Variants in DGKB observed in about 807,000 individuals in gnomAD.
DGKB encodes the protein diacylglycerol kinase beta.
In DGKB, 67 loss-of-function variants were observed where a neutral mutation model predicts 114.3. The observed-to-expected ratio is 0.59, with a 90% CI of 0.48 to 0.72. The LOEUF is 0.72. Among genes scored for constraint, DGKB ranks in the 30% least tolerant of loss-of-function variants. The pLI is 0.00. For synonymous variants in DGKB, 398 were observed against 323.1 expected, an observed-to-expected ratio of 1.23 and a Z score of -2.49; for missense variants, 907 against 975.2, an observed-to-expected ratio of 0.93 and a Z score of 0.93.
At chr7:14,532,616 C>A (rs532242820) in intron 20 of DGKB, among the ~76,000 whole-genome samples, 1 of 151,124 alleles carries the variant, frequency 6.6e-6, no homozygotes, top group Non-Finnish European at 1.5e-5. Flanking sequence ...ATACATATAG[C>A]AATAAATCAC....
chr7:14,574,286 T>A lies in DGKB; in HGVS notation c.1696A>T (p.Ile566Leu). The A allele has an allele frequency of 1.2e-6, 2 of 1,613,342 alleles. No individual in the cohort carries two copies. Among genetic ancestry groups the A allele is most frequent in the Non-Finnish European group, 8.5e-7 (1 of 1,179,432 alleles). Reference sequence around the variant, plus strand: ...CCTTTCTCATCTTTGTCATTAGGTATGACTTCAAACTTCCACCTGTCCAAC... The same window carrying A: ...CCTTTCTCATCTTTGTCATTAGGTAAGACTTCAAACTTCCACCTGTCCAAC... The part of the protein sequence containing the change: ...IMLDRWKFEV[I>L]PNDKDEKGDP... Residue 566 changes from isoleucine to leucine, a missense_variant, in exon 20 of 26, where the codon ATA becomes TTA. By Grantham distance (5) the Ile-to-Leu change is conservative. Around this residue, in one of 3 missense-constraint regions of DGKB, gnomAD observed 814 missense variants for 856.6 expected, o/e 0.95. Transcript: ENST00000402815.
At chr7:14,864,442 T>G (rs926890512) in intron 1 of DGKB, among the ~76,000 whole-genome samples, 8 of 152,178 alleles carry the variant, frequency 5.3e-5, no homozygotes, top group African/African-American at 1.9e-4. Context: ...AGGCCTAGCA[T>G]GTTACCACAT....
chr7:14,279,881 A>G (rs1353466379), intron 23 of DGKB, among the ~76,000 whole-genome samples: 2 of 151,224 alleles, frequency 1.3e-5, no homozygotes, highest in African/African-American at 2.4e-5. Context: ...TCAAACACCA[A>G]AAGTAGATAA....
chr7:14,548,480 A>G lies in DGKB; in HGVS notation c.1770+25732T>C, dbSNP rs548533597. Among the ~76,000 whole-genome samples the G allele has an allele frequency of 1.1e-4, 16 of 152,256 alleles. No homozygotes were observed. The South Asian group carries it at 3.3e-3, about 32-fold the overall frequency. Reference sequence around the variant, plus strand: ...AAAATGGACAGGAGCTAGCCTTGTAACTCCTGAATGAGGAAAAGGTGGATG... The same window carrying G: ...AAAATGGACAGGAGCTAGCCTTGTAGCTCCTGAATGAGGAAAAGGTGGATG... On this transcript the variant is annotated intron_variant, in intron 20 of 25. Coordinates refer to ENST00000402815, the MANE Select transcript of DGKB (RefSeq NM_001350709.2).
chr7:14,359,750 C>G (rs192134649), intron 21 of DGKB, among the ~76,000 whole-genome samples: 1 of 152,116 alleles, frequency 6.6e-6, no homozygotes, highest in Non-Finnish European at 1.5e-5. Context: ...AAATGCAAAT[C>G]AAAACCACAA....
chr7:14,857,258 T>TTGTTTGTGTGTGTGTGTGTGTGTGTGTG lies in DGKB; in HGVS notation c.-187-15809_-187-15808insCACACACACACACACACACACACAAACA, dbSNP rs1850299448. Among the ~76,000 whole-genome samples the TTGTTTGTGTGTGTGTGTGTGTGTGTGTG allele has an allele frequency of 4.9e-4, 68 of 138,356 alleles. 2 individuals carry two copies. The East Asian group carries it at 0.017, about 34-fold the overall frequency. 90.8% of individuals were successfully genotyped at this position (138,356 alleles called of 152,430 possible). ...CCACCCAACCCCCTGCTGTGTGTGT[T>TTGTTTGTGTGTGTGTGTGTGTGTGTGTG]TGTGTGTGTGTGTGTGTGTGTTGCT... On this transcript the variant is annotated intron_variant, in intron 1 of 25. Transcript: ENST00000402815.
rs751768631 is a variant in DGKB, at chr7:14,309,099, C to A, written c.2122+29416G>T. 2.6e-5 allele frequency among the ~76,000 whole-genome samples: 4 copies of A among 151,968 alleles called. No individual in the cohort carries two copies. In the East Asian group the frequency reaches 7.8e-4, roughly 29 times the overall value. ...AGTGTCATGGTGCTTGCCTGTAGTC[C>A]CAGCTACTTGAGAGGCTGAGGTGGG... On this transcript the variant is annotated intron_variant, in intron 23 of 25. Transcript: ENST00000402815.
chr7:14,826,032 G>T (rs1359796332), intron 2 of DGKB, among the ~76,000 whole-genome samples: 2 of 152,120 alleles, frequency 1.3e-5, no homozygotes, highest in African/African-American at 4.8e-5. Context: ...CCTTACTGCT[G>T]CTGCCTGAGG....
At chr7:14,892,358 T>C (rs1781380093) in intron 1 of DGKB, among the ~76,000 whole-genome samples, 2 of 151,188 alleles carry the variant, frequency 1.3e-5, no homozygotes, top group African/African-American at 4.8e-5. Flanking sequence ...TAACCAATCC[T>C]AACGATGACA....
chr7:14,788,058 C>G (rs967792775), intron 2 of DGKB, among the ~76,000 whole-genome samples: 2 of 152,226 alleles, frequency 1.3e-5, no homozygotes, highest in Admixed American at 6.5e-5. Flanking sequence ...CTTGCAGCAT[C>G]CCATTGAGTA....
chr7:14,772,309 A>G (rs1175518141), intron 2 of DGKB, among the ~76,000 whole-genome samples: 2 of 152,158 alleles, frequency 1.3e-5, no homozygotes, highest in African/African-American at 2.4e-5. Context: ...AAATTGGTCA[A>G]CTGGGCTATG....
intron 1 of DGKB, among the ~76,000 whole-genome samples, chr7:14,965,002 G>C (rs1256051264): frequency 1.3e-5 from 2 of 152,130 alleles, no homozygotes; most frequent in East Asian, 3.9e-4. Flanking sequence ...AGTGAAAAAA[G>C]CAGAGGTAGA....
intron 17 of DGKB, among the ~76,000 whole-genome samples, chr7:14,589,367 A>G (rs1801305564): frequency 6.6e-6 from 1 of 151,938 alleles, no homozygotes; most frequent in African/African-American, 2.4e-5. Flanking sequence ...TCTAGTCTTT[A>G]TAATTGTTAT....
intron 21 of DGKB, among the ~76,000 whole-genome samples, chr7:14,444,432 T>C (rs1830469754): frequency 6.6e-6 from 1 of 151,830 alleles, no homozygotes. Flanking sequence ...AGAAACATTA[T>C]ATAATAGTTG....
At chr7:14,642,001 T>C (rs542415208) in intron 13 of DGKB, among the ~76,000 whole-genome samples, 1 of 152,216 alleles carries the variant, frequency 6.6e-6, no homozygotes, top group African/African-American at 2.4e-5. Flanking sequence ...TTTTGTTTGT[T>C]TGTCTGTCTG....
upstream of DGKB, among the ~76,000 whole-genome samples, chr7:14,907,306 C>A (rs936502373): frequency 2.6e-5 from 4 of 152,216 alleles, no homozygotes; most frequent in African/African-American, 9.6e-5. Context: ...ATTTACAGGC[C>A]TTTCCACTGG....
At chr7:14,662,103 C>T (rs889702250) in intron 13 of DGKB, among the ~76,000 whole-genome samples, 28 of 151,950 alleles carry the variant, frequency 1.8e-4, no homozygotes, top group Admixed American at 1.6e-3. Flanking sequence ...ATACCTAATG[C>T]TAGATGACGA....
At chr7:14,532,687 T>G (rs1270326468) in intron 20 of DGKB, among the ~76,000 whole-genome samples, 1 of 151,524 alleles carries the variant, frequency 6.6e-6, no homozygotes, top group Non-Finnish European at 1.5e-5. Context: ...TTAACACATA[T>G]GCAGATGTAT....
At chr7:14,899,863 T>A (rs1782714641) in intron 1 of DGKB, among the ~76,000 whole-genome samples, 1 of 151,998 alleles carries the variant, frequency 6.6e-6, no homozygotes, top group African/African-American at 2.4e-5. Context: ...ACCATTTTAA[T>A]TTTTTTTAAG....
Sources: gnomAD v4.1 joint callset for allele counts (sites outside exome capture counted in the v4.1 genomes callset) on GRCh38, gnomAD v4.1.1 for gene constraint, gnomAD v4.1.1 regional missense constraint, MANE v1.5 for transcripts, NCBI Gene and HGNC (gene_info 2026-07-23, HGNC 2026-07-21) for gene names.